Variants in NRXN1 observed in about 807,000 individuals in gnomAD.
The protein encoded by NRXN1 is neurexin-1.
In NRXN1, 39 loss-of-function variants were observed where a neutral mutation model predicts 150.9. The ratio of observed to expected loss-of-function variants is 0.26; its 90% CI spans 0.20 to 0.34. NRXN1 has a LOEUF of 0.34. Ranked by LOEUF, NRXN1 falls within the 10% of genes least tolerant of loss-of-function variation. The pLI is 1.00. For synonymous variants in NRXN1, 924 were observed against 757.0 expected (o/e 1.22, Z -3.62); for missense variants, 1,815 against 1,949.9 (o/e 0.93, Z 1.30).
chr2:50,917,335 A>G (rs1039728495), intron 5 of NRXN1: 1 of 151,792 alleles, frequency 6.6e-6, no homozygotes, highest in Admixed American at 6.6e-5. Context: ...AATTAGGTCT[A>G]TATCAGAAAT....
At position 50,193,840 on chromosome 2, in the gene NRXN1, GA is replaced by G. The variant is rs958627739; in HGVS notation, c.3546+42948del. On this transcript the variant is annotated intron_variant, in intron 18 of 22. Coordinates refer to ENST00000401669, the MANE Select transcript of NRXN1 (RefSeq NM_001330078.2). ...CAAGGACATACTGTCTTTTAATTTG[GA>G]AAAAAAAAAGTTGAGCAATTTGAAA... Among the ~76,000 whole-genome samples, 8 of 146,692 alleles carry G rather than the reference GA, an allele frequency of 5.5e-5. 1 individual carries two copies. The highest frequency in any genetic ancestry group is 7.5e-5 in the Non-Finnish European group (5 of 66,294).
intron 8 of NRXN1, among the ~76,000 whole-genome samples, chr2:50,581,192 T>C (rs1168882397): frequency 6.6e-6 from 1 of 152,230 alleles, no homozygotes; most frequent in East Asian, 1.9e-4. Flanking sequence ...TCTTGAATTC[T>C]ATTGTCTGGC....
intron 8 of NRXN1, among the ~76,000 whole-genome samples, chr2:50,592,515 T>C (rs1248987974): frequency 6.6e-6 from 1 of 152,022 alleles, no homozygotes; most frequent in African/African-American, 2.4e-5. Flanking sequence ...GGCAGGGAGG[T>C]TCTCTTAGCT....
chr2:50,002,285 G>A (rs1172993012), intron 21 of NRXN1, among the ~76,000 whole-genome samples: 1 of 152,108 alleles, frequency 6.6e-6, no homozygotes, highest in Non-Finnish European at 1.5e-5. Context: ...AGAATTCAGA[G>A]AAAAGAAAGG....
rs764621123 is a variant in NRXN1 at position 50,921,868 on chromosome 2, C to T, written c.832+1G>A. The T allele has an allele frequency of 1.5e-5, 20 of 1,377,960 alleles. No individual in the cohort carries two copies. Among genetic ancestry groups the T allele is most frequent in the East Asian group, 2.6e-5 (1 of 38,520 alleles). The allele number at this position is 1,377,960 out of a possible 1,614,324, so 85.4% of individuals were successfully genotyped here. ...TAAGAAGAAATAAAATAATGTAATA[C>T]CTTTACTTTTACCTATGGATTTGAT... On this transcript the variant is annotated splice_donor_variant, in intron 5 of 22. Transcript: ENST00000401669. LOFTEE classifies it high-confidence loss of function.
intron 17 of NRXN1, among the ~76,000 whole-genome samples, chr2:50,358,368 G>C (rs981388720): frequency 7.9e-5 from 12 of 152,210 alleles, no homozygotes; most frequent in Non-Finnish European, 4.4e-5. Context: ...GCCTGAAGTC[G>C]ACCTGGGATG....
At chr2:50,539,435 A>G (rs2093341855) in intron 9 of NRXN1, among the ~76,000 whole-genome samples, 1 of 152,206 alleles carries the variant, frequency 6.6e-6, no homozygotes, top group South Asian at 2.1e-4. Context: ...TTATAAATAC[A>G]AGGGCTCTAA....
intron 7 of NRXN1, 97 bp from the exon 8 acceptor site, chr2:50,620,280 G>C: frequency 7.7e-7 from 1 of 1,290,476 alleles, no homozygotes; most frequent in East Asian, 2.6e-5. Context: ...TTGTTTTTTT[G>C]TTTTGTTTTG....
chr2:50,317,916 G>C (rs973208115), intron 17 of NRXN1, among the ~76,000 whole-genome samples: 3 of 151,940 alleles, frequency 2.0e-5, no homozygotes, highest in Non-Finnish European at 4.4e-5. Flanking sequence ...TATATTTAAT[G>C]ATTTCAAGGT....
intron 5 of NRXN1, among the ~76,000 whole-genome samples, chr2:50,721,263 A>AT: frequency 6.6e-6 from 1 of 152,194 alleles, no homozygotes; most frequent in East Asian, 1.9e-4. Flanking sequence ...TGAACAGCAG[A>AT]TTTTTGCCTT....
chr2:50,219,944 TA>T (rs2063706012), intron 18 of NRXN1, among the ~76,000 whole-genome samples: 1 of 51,654 alleles, frequency 1.9e-5, no homozygotes, highest in African/African-American at 1.2e-4. Context: ...TATTATATAT[TA>T]TATATATAAT....
At chr2:50,005,859 C>A (rs888497906) in intron 21 of NRXN1, among the ~76,000 whole-genome samples, 10 of 152,120 alleles carry the variant, frequency 6.6e-5, no homozygotes, top group African/African-American at 9.7e-5. Flanking sequence ...CTCCATCTGA[C>A]GATAACTTAC....
At chr2:50,432,582 T>G (rs989618540) in intron 17 of NRXN1, among the ~76,000 whole-genome samples, 3 of 152,186 alleles carry the variant, frequency 2.0e-5, no homozygotes, top group Non-Finnish European at 4.4e-5. Flanking sequence ...TCATTGTTCC[T>G]CTTCTTTCTG....
Position 50,893,233 on chromosome 2 carries a change from A to G in NRXN1, c.832+28636T>C, listed in dbSNP as rs142256652. Among the ~76,000 whole-genome samples the G allele has an allele frequency of 2.0e-5, 3 of 152,332 alleles. No individual in the cohort carries two copies. In the East Asian group the frequency reaches 5.8e-4, roughly 29 times the overall value. On this transcript the variant is annotated intron_variant, in intron 5 of 22. Coordinates refer to ENST00000401669, the MANE Select transcript of NRXN1 (RefSeq NM_001330078.2). ...AGCTGTCACATGTGTTTATAGATGT[A>G]CATGCAAATATCTATTATTTTAGGG... is the stretch of plus-strand genomic sequence containing the variant.
At chr2:50,477,738 G>T (rs763779216) in intron 15 of NRXN1, among the ~76,000 whole-genome samples, 1 of 152,064 alleles carries the variant, frequency 6.6e-6, no homozygotes, top group Non-Finnish European at 1.5e-5. Context: ...TAAAACTCCA[G>T]GAAATATGAA....
chr2:50,291,096 G>T (rs1431770356), intron 17 of NRXN1, among the ~76,000 whole-genome samples: 1 of 148,386 alleles, frequency 6.7e-6, no homozygotes. Context: ...GAAGGAAAGG[G>T]ATTTTTTATT....
At chr2:50,794,524 C>A (rs996462237) in intron 5 of NRXN1, among the ~76,000 whole-genome samples, 1 of 152,038 alleles carries the variant, frequency 6.6e-6, no homozygotes, top group African/African-American at 2.4e-5. Context: ...GTCGTGTGAA[C>A]CAACTGTAGG....
At chr2:49,965,560 G>A (rs539458292) in intron 21 of NRXN1, among the ~76,000 whole-genome samples, 124 of 152,068 alleles carry the variant, frequency 8.2e-4, no homozygotes, top group Middle Eastern at 6.8e-3. Context: ...GAGCCACTGC[G>A]CCCAGCCTAG....
intron 5 of NRXN1, among the ~76,000 whole-genome samples, chr2:50,737,760 G>A (rs1157498479): frequency 6.6e-6 from 1 of 151,888 alleles, no homozygotes; most frequent in African/African-American, 2.4e-5. Flanking sequence ...CTATACAATG[G>A]GGTCACTCAA....
Sources: allele counts gnomAD v4.1 joint callset (sites outside exome capture counted in the v4.1 genomes callset), GRCh38; gene constraint gnomAD v4.1.1; transcripts MANE v1.5; gene names NCBI Gene and HGNC (gene_info 2026-07-23, HGNC 2026-07-21).